PTPRD: variants seen among roughly 807,000 people sequenced by gnomAD.
PTPRD encodes receptor-type tyrosine-protein phosphatase delta.
A neutral mutation model predicts 214.5 loss-of-function variants in PTPRD; 34 were observed. That is an observed-to-expected ratio of 0.16 (90% CI 0.12 to 0.21). PTPRD has a LOEUF of 0.21. Ranked by LOEUF, PTPRD falls within the 10% of genes least tolerant of loss-of-function variation. The pLI is 1.00. For missense variants in PTPRD, 2,545 were observed against 2,398.7 expected (o/e 1.06, Z -1.27); for synonymous variants, 1,128 against 845.7 (o/e 1.33, Z -5.79).
intron 7 of PTPRD, among the ~76,000 whole-genome samples, chr9:9,701,812 T>G (rs2097507891): frequency 6.6e-6 from 1 of 152,096 alleles, no homozygotes; most frequent in African/African-American, 2.4e-5. Flanking sequence ...TATAAACTGA[T>G]AAGCTATTTG....
rs954571464 is a variant in PTPRD, at chr9:10,448,228, A to T, written c.-599-107211T>A. Among the ~76,000 whole-genome samples, 3 of 152,026 alleles carry T rather than the reference A, an allele frequency of 2.0e-5. No homozygotes were observed. In the South Asian group the frequency reaches 6.2e-4, roughly 31 times the overall value. On this transcript the variant is annotated intron_variant, in intron 2 of 45. Coordinates refer to ENST00000381196, the MANE Select transcript of PTPRD (RefSeq NM_002839.4). ...TAACTTAAGGTTTTGATTCTTCCAA[A>T]CTTTTAAGCCTTGAATGACAGATAA...
chr9:9,247,378 GTTTC>G lies in PTPRD; in HGVS notation c.-202-64019_-202-64016del, dbSNP rs1251556373. Among the ~76,000 whole-genome samples the G allele has an allele frequency of 3.3e-5, 5 of 151,958 alleles. No individual in the cohort carries two copies. The East Asian group carries it at 9.8e-4, about 30-fold the overall frequency. On this transcript the variant is annotated intron_variant, in intron 9 of 45. Coordinates refer to ENST00000381196, the MANE Select transcript of PTPRD (RefSeq NM_002839.4). Reference sequence around the variant, plus strand: ...TGGAATATAAGCACAAAATTAGACAGTTTCTTCTTGTGTCTTTTAAGTCTTCATT... The same window carrying G: ...TGGAATATAAGCACAAAATTAGACAGTTCTTGTGTCTTTTAAGTCTTCATT...
chr9:8,550,629 A>G (rs925581057), intron 14 of PTPRD, among the ~76,000 whole-genome samples: 2 of 152,242 alleles, frequency 1.3e-5, no homozygotes, highest in African/African-American at 4.8e-5. Flanking sequence ...TAAAGAAGAG[A>G]TCATGATTTT....
intron 6 of PTPRD, among the ~76,000 whole-genome samples, chr9:9,736,834 G>C (rs1388136213): frequency 1.3e-5 from 2 of 151,912 alleles, no homozygotes; most frequent in Non-Finnish European, 2.9e-5. Flanking sequence ...CTAGATGCGA[G>C]TCCTTTGTTG....
chr9:8,991,177 C>A (rs972052105), intron 11 of PTPRD, among the ~76,000 whole-genome samples: 10 of 150,582 alleles, frequency 6.6e-5, no homozygotes, highest in Non-Finnish European at 1.5e-4. Context: ...TGAGATGGCG[C>A]CATTGCACTC....
chr9:10,447,246 T>C (rs1566093989), intron 2 of PTPRD, among the ~76,000 whole-genome samples: 1 of 151,948 alleles, frequency 6.6e-6, no homozygotes, highest in Non-Finnish European at 1.5e-5. Context: ...TCAGCTAATT[T>C]TGTAGTCTAC....
intron 3 of PTPRD, among the ~76,000 whole-genome samples, chr9:10,050,522 T>C: frequency 8.6e-6 from 1 of 116,122 alleles, no homozygotes. Flanking sequence ...ATAGTGCCAC[T>C]GCACTCCAGC....
At chr9:8,908,104 A>C (rs1161750288) in intron 11 of PTPRD, among the ~76,000 whole-genome samples, 1 of 152,222 alleles carries the variant, frequency 6.6e-6, no homozygotes, top group African/African-American at 2.4e-5. Flanking sequence ...TTAATAGCTG[A>C]CTTTTTATTA....
At chr9:9,051,234 A>C (rs1020160524) in intron 10 of PTPRD, among the ~76,000 whole-genome samples, 1 of 152,164 alleles carries the variant, frequency 6.6e-6, no homozygotes, top group Non-Finnish European at 1.5e-5. Context: ...AAAAAATCTA[A>C]AAAAATTATA....
intron 7 of PTPRD, among the ~76,000 whole-genome samples, chr9:9,580,611 T>G (rs2090489740): frequency 6.7e-6 from 1 of 148,448 alleles, no homozygotes; most frequent in South Asian, 2.1e-4. Context: ...TGCAGTGGTG[T>G]GATCTCTGCT....
At chr9:8,598,333 T>C (rs73423225) in intron 14 of PTPRD, among the ~76,000 whole-genome samples, 2 of 151,916 alleles carry the variant, frequency 1.3e-5, no homozygotes, top group Non-Finnish European at 2.9e-5. Flanking sequence ...GCTCCTTTGG[T>C]CCCAGGTATC....
intron 44 of PTPRD, among the ~76,000 whole-genome samples, chr9:8,325,400 G>A (rs143873428): frequency 6.1e-3 from 914 of 149,094 alleles, no homozygotes; most frequent in African/African-American, 0.021. Flanking sequence ...TAAGATGTTT[G>A]CAGATGTGTG....
intron 3 of PTPRD, among the ~76,000 whole-genome samples, chr9:10,340,050 A>G (rs1034576798): frequency 6.6e-6 from 1 of 151,750 alleles, no homozygotes; most frequent in Non-Finnish European, 1.5e-5. Flanking sequence ...AAATGATTTT[A>G]TATAACTCCA....
Position 10,067,294 on chromosome 9 carries a change from G to A in PTPRD, c.-544-33504C>T, listed in dbSNP as rs151306895. ...CCTTAGCTGGATTTGATATTTTACT[G>A]TATTGTGTACTAACAGTAAATAGCT... is the stretch of plus-strand genomic sequence containing the variant. On this transcript the variant is annotated intron_variant, in intron 3 of 45. Transcript: ENST00000381196. Among the ~76,000 whole-genome samples the A allele has an allele frequency of 4.6e-5, 7 of 151,946 alleles. No individual in the cohort carries two copies. In the East Asian group the frequency reaches 1.4e-3, roughly 30 times the overall value.
At chr9:10,093,067 A>G (rs1276794288) in intron 3 of PTPRD, among the ~76,000 whole-genome samples, 1 of 151,702 alleles carries the variant, frequency 6.6e-6, no homozygotes, top group East Asian at 1.9e-4. Context: ...TCAAGTCCCC[A>G]AAAGCAATTG....
At chr9:9,306,545 CAG>C (rs1262887461) in intron 9 of PTPRD, among the ~76,000 whole-genome samples, 1 of 114,568 alleles carries the variant, frequency 8.7e-6, no homozygotes, top group Non-Finnish European at 1.6e-5. Flanking sequence ...GTCTGGGCGA[CAG>C]AGTGAGACTC....
intron 8 of PTPRD, among the ~76,000 whole-genome samples, chr9:9,487,952 T>C (rs189246506): frequency 6.6e-6 from 1 of 152,306 alleles, no homozygotes; most frequent in East Asian, 1.9e-4. Flanking sequence ...AAATAATAGC[T>C]TGAAATTAAA....
chr9:10,275,193 G>A (rs1408464626), intron 3 of PTPRD, among the ~76,000 whole-genome samples: 2 of 151,998 alleles, frequency 1.3e-5, no homozygotes, highest in African/African-American at 4.8e-5. Flanking sequence ...AGGTGGCAGC[G>A]AAGTATCTTT....
chr9:8,577,932 T>C (rs2092630183), intron 14 of PTPRD, among the ~76,000 whole-genome samples: 1 of 152,188 alleles, frequency 6.6e-6, no homozygotes, highest in Admixed American at 6.5e-5. Context: ...TGAAATCCTG[T>C]GTGTCCATCA....
Sources: gnomAD v4.1 joint callset for allele counts (sites outside exome capture counted in the v4.1 genomes callset) on GRCh38, gnomAD v4.1.1 for gene constraint, MANE v1.5 for transcripts, NCBI Gene and HGNC (gene_info 2026-07-23, HGNC 2026-07-21) for gene names.